LRRC9: variants seen among roughly 807,000 people sequenced by gnomAD.
LRRC9 encodes leucine-rich repeat-containing protein 9.
Under a neutral mutation model 63.2 loss-of-function variants are expected in LRRC9, and 122 were observed. That is an observed-to-expected ratio of 1.93 (90% CI 1.67 to 2.24). The LOEUF (loss-of-function observed/expected upper bound fraction) is 2.24. Among genes scored for constraint, LRRC9 ranks in the 30% most tolerant of loss-of-function variants. The probability of loss-of-function intolerance (pLI) is 0.00; values close to 1 mark genes in which losing one functional copy is unlikely to be tolerated. For missense variants in LRRC9, 1,071 were observed against 627.7 expected, an observed-to-expected ratio of 1.71 and a Z score of -7.55; for synonymous variants, 366 against 213.1, an observed-to-expected ratio of 1.72 and a Z score of -6.25.
chr14:60,013,066 G>A (rs991544728), intron 23 of LRRC9, among the ~76,000 whole-genome samples: 5 of 150,382 alleles, frequency 3.3e-5, no homozygotes, highest in African/African-American at 7.4e-5. Flanking sequence ...CCATTAACTC[G>A]TCATTTAGCA....
intron 13 of LRRC9, among the ~76,000 whole-genome samples, chr14:59,975,648 C>A (rs898447369): frequency 1.3e-5 from 2 of 152,114 alleles, no homozygotes; most frequent in Admixed American, 6.5e-5. Flanking sequence ...ACAGTCTATG[C>A]AAACTAGACA....
At chr14:59,993,954 C>T (rs1344169352) in intron 17 of LRRC9, among the ~76,000 whole-genome samples, 1 of 152,242 alleles carries the variant, frequency 6.6e-6, no homozygotes, top group Non-Finnish European at 1.5e-5. Flanking sequence ...AGCTCTGCAC[C>T]AAGCGGACCT....
At chr14:60,026,840 T>C (rs1486456711) in intron 27 of LRRC9, among the ~76,000 whole-genome samples, 3 of 152,086 alleles carry the variant, frequency 2.0e-5, no homozygotes, top group Non-Finnish European at 2.9e-5. Flanking sequence ...AGTTCTCTAT[T>C]CTGTTCCCTT....
At chr14:60,010,861 C>T (rs219380) in intron 23 of LRRC9, among the ~76,000 whole-genome samples, 113,484 of 152,010 alleles carry the variant, frequency 0.75, 44,468 homozygotes, top group Non-Finnish European at 0.87. Flanking sequence ...TCTGAGACCA[C>T]CTCAGCCTGG....
In LRRC9 at chr14:60,047,906, C is replaced by G. The variant is rs1893569205; in HGVS notation, c.3991-5159C>G. On this transcript the variant is annotated intron_variant, in intron 29 of 31. Transcript: ENST00000445360. ...ACATAATCGGAAGTCAAACACTCCT[C>G]AGCAAACGCAAAAGGACTGAAATCA... 2.0e-5 allele frequency among the ~76,000 whole-genome samples: 3 copies of G among 152,200 alleles called. 1 individual carries two copies. The South Asian group carries it at 6.2e-4, about 31-fold the overall frequency.
chr14:60,020,554 T>C (rs756929056), intron 26 of LRRC9, among the ~76,000 whole-genome samples: 1 of 151,986 alleles, frequency 6.6e-6, no homozygotes, highest in Non-Finnish European at 1.5e-5. Context: ...TATAGAGTTG[T>C]ATAATCATGA....
At chr14:59,991,677 CA>C (rs553668425) in intron 17 of LRRC9, among the ~76,000 whole-genome samples, 8 of 152,180 alleles carry the variant, frequency 5.3e-5, no homozygotes, top group Non-Finnish European at 1.0e-4. Context: ...ATATCCCGCG[CA>C]TAGCTCGGAG....
At chr14:59,954,326 T>C (rs1183836696) in intron 8 of LRRC9, among the ~76,000 whole-genome samples, 2 of 152,156 alleles carry the variant, frequency 1.3e-5, no homozygotes, top group Non-Finnish European at 2.9e-5. Flanking sequence ...TTTTGTGTCC[T>C]CTCTTATTTC....
intron 17 of LRRC9, among the ~76,000 whole-genome samples, chr14:59,996,599 T>G (rs1888819235): frequency 6.6e-6 from 1 of 152,114 alleles, no homozygotes; most frequent in Non-Finnish European, 1.5e-5. Flanking sequence ...AAAAAAAGAA[T>G]TTAAAAATGA....
rs78646187 is a variant in LRRC9 at position 59,997,118 on chromosome 14, A to G, written c.2212-538A>G. ...TTCTTTCTGAGCAATAGGATTATAT[A>G]TGTTTTCTATTTTTTCTTTTCATTT... On this transcript the variant is annotated intron_variant, in intron 17 of 31. Coordinates refer to ENST00000445360, the Ensembl canonical transcript of LRRC9. Among the ~76,000 whole-genome samples the G allele has an allele frequency of 2.5e-3, 375 of 152,170 alleles. 1 individual carries two copies. The highest frequency in any genetic ancestry group is 8.7e-3 in the African/African-American group (363 of 41,564).
chr14:59,985,579 A>C (rs1482711821), intron 17 of LRRC9, among the ~76,000 whole-genome samples: 1 of 152,224 alleles, frequency 6.6e-6, no homozygotes, highest in Non-Finnish European at 1.5e-5. Context: ...AATAAAAAGA[A>C]AAAACTTTGG....
chr14:60,016,593 A>T, intron 23 of LRRC9, 67 bp from the exon 24 acceptor site: 1 of 612,254 alleles, frequency 1.6e-6, no homozygotes, highest in Admixed American at 2.4e-5. Flanking sequence ...TTTTACCTAA[A>T]ACCAGAGAAC....
exon 27 of LRRC9, chr14:60,022,852 A>C (rs1891218167): frequency 1.5e-6 from 1 of 675,090 alleles, no homozygotes; most frequent in Admixed American, 2.1e-5. Flanking sequence ...AAGAAATTTA[A>C]AATTCCTCTT....
intron 17 of LRRC9, among the ~76,000 whole-genome samples, chr14:59,993,228 G>A (rs1208167746): frequency 1.3e-5 from 2 of 152,102 alleles, no homozygotes; most frequent in Non-Finnish European, 2.9e-5. Context: ...ATAAGTGAAG[G>A]AGAAATAAAA....
chr14:60,042,087 T>C lies in LRRC9; in HGVS notation c.3990+10024T>C, dbSNP rs1005420090. On this transcript the variant is annotated intron_variant, in intron 29 of 31. Coordinates refer to ENST00000445360, the Ensembl canonical transcript of LRRC9. The surrounding 1 kb of genome is among the most constrained non-coding windows in gnomAD (Gnocchi z 4.2). The stretch of plus-strand genomic sequence containing the variant: ...GCAAAGATTGCAGAACGGCAAATGT[T>C]GCTGCTTGATCCTTCCTCTGGAACC... 2.0e-5 allele frequency among the ~76,000 whole-genome samples: 3 copies of C among 152,202 alleles called. No individual in the cohort carries two copies. The highest frequency in any genetic ancestry group is 2.0e-4 in the Admixed American group (3 of 15,284).
Position 60,001,188 on chromosome 14 carries a change from T to TTGTGTG in LRRC9, c.2530-760_2530-755dup, listed in dbSNP as rs146007143. ...ATTATTCAGTAAAGCTGATGTATATTTGTGTGTGTGTGTGTGTGTGTGTAT... is the reference window on the plus strand; with the variant it reads ...ATTATTCAGTAAAGCTGATGTATATTTGTGTGTGTGTGTGTGTGTGTGTGTGTGTAT... On this transcript the variant is annotated intron_variant, in intron 19 of 31. Transcript: ENST00000445360. Among the ~76,000 whole-genome samples the TTGTGTG allele has an allele frequency of 7.7e-3, 1,151 of 149,176 alleles. 20 individuals are homozygous for TTGTGTG. Among genetic ancestry groups the TTGTGTG allele is most frequent in the African/African-American group, 0.026 (1,079 of 40,908 alleles).
intron 23 of LRRC9, among the ~76,000 whole-genome samples, chr14:60,015,171 G>C (rs2140264094): frequency 6.6e-6 from 1 of 151,620 alleles, no homozygotes; most frequent in East Asian, 1.9e-4. Flanking sequence ...TTATTTCTTT[G>C]CTAAGGGTTT....
At chr14:59,957,037 C>G (rs1883834106) in intron 8 of LRRC9, among the ~76,000 whole-genome samples, 1 of 152,132 alleles carries the variant, frequency 6.6e-6, no homozygotes, top group Non-Finnish European at 1.5e-5. Flanking sequence ...GGTAACCTGA[C>G]CTTTCTCTCT....
chr14:59,959,696 C>T (rs372474560), intron 8 of LRRC9, 122 bp from the exon 9 acceptor site: 3 of 489,856 alleles, frequency 6.1e-6, no homozygotes, highest in South Asian at 7.8e-5. Context: ...TAGATTTCCA[C>T]TTTGTTCATT....
Sources: gnomAD v4.1 joint callset for allele counts (sites outside exome capture counted in the v4.1 genomes callset) on GRCh38, gnomAD v4.1.1 for gene constraint, Gnocchi (gnomAD v3.1) non-coding constraint, MANE v1.5 for transcripts, NCBI Gene and HGNC (gene_info 2026-07-23, HGNC 2026-07-21) for gene names.